Variants in PDE1C observed in about 807,000 individuals in gnomAD.
PDE1C encodes dual specificity calcium/calmodulin-dependent 3',5'-cyclic nucleotide phosphodiesterase 1C.
PDE1C carries 62 observed loss-of-function variants against 93.1 expected under a neutral mutation model. That is an observed-to-expected ratio of 0.67 (90% confidence interval 0.54 to 0.82). The LOEUF (loss-of-function observed/expected upper bound fraction) is 0.82, where lower values mean the gene tolerates loss of function less well. Among genes scored for constraint, PDE1C ranks in the 40% least tolerant of loss-of-function variants. PDE1C has a pLI of 0.00. For synonymous variants in PDE1C, 325 were observed against 310.1 expected (o/e 1.05, Z -0.50); for missense variants, 742 against 884.6 (o/e 0.84, Z 2.04).
intron 1 of PDE1C, among the ~76,000 whole-genome samples, chr7:32,062,289 TTC>T (rs767668519): frequency 1.3e-5 from 2 of 152,156 alleles, no homozygotes; most frequent in African/African-American, 4.8e-5. Context: ...TCCTAAAAAG[TTC>T]TCACATCCAT....
chr7:31,814,073 T>C (rs902877773), intron 15 of PDE1C, among the ~76,000 whole-genome samples: 2 of 144,032 alleles, frequency 1.4e-5, no homozygotes, highest in Admixed American at 6.8e-5. Flanking sequence ...CACGCGTGCA[T>C]ATATATGTAC....
the PDE1C span, among the ~76,000 whole-genome samples, chr7:31,668,471 C>T: frequency 3.4e-3 from 488 of 141,468 alleles, 8 homozygotes; most frequent in East Asian, 0.012. Flanking sequence ...AGTCTATCCA[C>T]GCAAAGGAGT....
At chr7:32,209,216 G>A (rs943228933) in intron 2 of PDE1C, among the ~76,000 whole-genome samples, 9 of 152,174 alleles carry the variant, frequency 5.9e-5, no homozygotes, top group Admixed American at 1.3e-4. Flanking sequence ...AAAGCCCCCA[G>A]GTGATGTCGA....
At chr7:31,690,564 A>G in the PDE1C span, among the ~76,000 whole-genome samples, 3 of 152,216 alleles carry the variant, frequency 2.0e-5, no homozygotes, top group Non-Finnish European at 4.4e-5. Context: ...AGATTTAGCA[A>G]CTTCATCGAA....
At chr7:32,227,028 C>T (rs375705352) in intron 1 of PDE1C, among the ~76,000 whole-genome samples, 1 of 152,194 alleles carries the variant, frequency 6.6e-6, no homozygotes, top group East Asian at 1.9e-4. Flanking sequence ...TGCCTCCTCC[C>T]TTTCCCCAAA....
At chr7:32,301,202 T>C (rs903950239), upstream of PDE1C, among the ~76,000 whole-genome samples, 15 of 152,122 alleles carry the variant, frequency 9.9e-5, no homozygotes, top group African/African-American at 3.1e-4. Context: ...TTTCCCTGTA[T>C]TTCTCCCATC....
chr7:32,198,432 C>A (rs1804765874), intron 2 of PDE1C, among the ~76,000 whole-genome samples: 2 of 152,114 alleles, frequency 1.3e-5, no homozygotes, highest in African/African-American at 4.8e-5. Context: ...AAGCTTATAT[C>A]TCTGTTACAT....
At chr7:32,211,206 T>A (rs924538809) in intron 1 of PDE1C, among the ~76,000 whole-genome samples, 1 of 151,770 alleles carries the variant, frequency 6.6e-6, no homozygotes, top group African/African-American at 2.4e-5. Flanking sequence ...CGAAACTCTA[T>A]CTCAAAAAAT....
the PDE1C span, chr7:31,687,064 T>C: frequency 6.6e-6 from 1 of 152,238 alleles, no homozygotes; most frequent in East Asian, 1.9e-4. Context: ...ACTTTTGTAA[T>C]GTACAATGAT....
intron 1 of PDE1C, among the ~76,000 whole-genome samples, chr7:32,253,418 C>A (rs778044313): frequency 6.6e-6 from 1 of 152,144 alleles, no homozygotes; most frequent in Admixed American, 6.5e-5. Flanking sequence ...AACAGCCTTA[C>A]GCGCCTTCCA....
chr7:31,910,451 C>T (rs1467499879), intron 2 of PDE1C, among the ~76,000 whole-genome samples: 1 of 152,168 alleles, frequency 6.6e-6, no homozygotes, highest in Non-Finnish European at 1.5e-5. Context: ...ACCAGCTCCA[C>T]CCCATACTCC....
At chr7:32,179,176 C>G (rs1179953407) in intron 2 of PDE1C, among the ~76,000 whole-genome samples, 1 of 141,132 alleles carries the variant, frequency 7.1e-6, no homozygotes, top group Admixed American at 7.1e-5. Flanking sequence ...TCACGCAGAA[C>G]ATCCTGCATT....
chr7:32,221,486 T>A (rs1442759950), intron 1 of PDE1C, among the ~76,000 whole-genome samples: 1 of 152,146 alleles, frequency 6.6e-6, no homozygotes, highest in African/African-American at 2.4e-5. Flanking sequence ...AAGCCCGTGG[T>A]CTTGTTAAAC....
At chr7:31,685,291 A>T in the PDE1C span, among the ~76,000 whole-genome samples, 5 of 152,204 alleles carry the variant, frequency 3.3e-5, no homozygotes, top group Admixed American at 1.3e-4. Context: ...ATGGCTATAT[A>T]ACGGCAAGAT....
chr7:31,916,113 G>A (rs1032253536), intron 2 of PDE1C, among the ~76,000 whole-genome samples: 2 of 152,086 alleles, frequency 1.3e-5, no homozygotes, highest in African/African-American at 4.8e-5. Context: ...GAAAGCCAGA[G>A]AGCAACCTTC....
rs371574737 is a variant in PDE1C, at chr7:31,828,344, A to T, written c.1233T>A (p.Pro411=). The T allele has an allele frequency of 6.7e-5, 108 of 1,612,260 alleles. No individual in the cohort carries two copies. Among genetic ancestry groups the T allele is most frequent in the Non-Finnish European group, 8.9e-5 (105 of 1,178,790 alleles). The change falls in exon 12 of 18, where the codon CCT becomes CCA. Residue 411 remains proline (P), a synonymous_variant. Transcript: ENST00000396191. ...ACTTTCGGTCACACAGAGGAGAAAA[A>T]GGCAGCCCCAGCTCTGCTTCTCTGT... ...QGDREAELGL[P]FSPLCDRKST... is the part of the protein sequence containing the mutation.
chr7:32,176,523 A>G (rs1228234088), intron 2 of PDE1C, among the ~76,000 whole-genome samples: 1 of 140,386 alleles, frequency 7.1e-6, no homozygotes, highest in Non-Finnish European at 1.5e-5. Context: ...TCAAATATAT[A>G]GTTAACAAAA....
At chr7:31,646,549 C>T in the PDE1C span, among the ~76,000 whole-genome samples, 2 of 152,200 alleles carry the variant, frequency 1.3e-5, no homozygotes, top group African/African-American at 4.8e-5. Flanking sequence ...CCTGGGCCAG[C>T]TCCAGGGTGA....
chr7:32,114,212 C>T (rs1480771195), intron 3 of PDE1C, among the ~76,000 whole-genome samples: 1 of 152,164 alleles, frequency 6.6e-6, no homozygotes, highest in Admixed American at 6.5e-5. Context: ...TGCTACCTGA[C>T]TTCAAACTAT....
Sources: allele counts gnomAD v4.1 joint callset (sites outside exome capture counted in the v4.1 genomes callset), GRCh38; gene constraint gnomAD v4.1.1; transcripts MANE v1.5; gene names NCBI Gene and HGNC (gene_info 2026-07-23, HGNC 2026-07-21).